The following TLE2 variants were observed in gnomAD, a reference collection of about 807,000 sequenced individuals.
TLE2 encodes transducin-like enhancer protein 2.
In TLE2, 74 loss-of-function variants were observed where a neutral mutation model predicts 97.2. That is an observed-to-expected ratio of 0.76 (90% confidence interval 0.63 to 0.92). The LOEUF (loss-of-function observed/expected upper bound fraction) is 0.92. Among genes scored for constraint, TLE2 ranks in the 40% least tolerant of loss-of-function variants. The probability of loss-of-function intolerance (pLI) is 0.00; values close to 1 mark genes in which losing one functional copy is unlikely to be tolerated. For synonymous variants in TLE2, 499 were observed against 432.1 expected (o/e 1.15, Z -1.92); for missense variants, 1,038 against 1,008.7 (o/e 1.03, Z -0.39).
At chr19:3,043,437 A>G (rs2090119379) in intron 1 of TLE2, among the ~76,000 whole-genome samples, 1 of 129,924 alleles carries the variant, frequency 7.7e-6, no homozygotes, top group African/African-American at 3.0e-5. Flanking sequence ...TCAGCCTCCC[A>G]AAGTGCTGGG....
intron 5 of TLE2, among the ~76,000 whole-genome samples, chr19:3,021,167 G>A (rs537770035): frequency 1.3e-5 from 2 of 150,380 alleles, no homozygotes; most frequent in African/African-American, 4.9e-5. Flanking sequence ...AGCACTTTGG[G>A]AGGCTGAGGC....
upstream of TLE2, among the ~76,000 whole-genome samples, chr19:3,046,959 C>T (rs2090147244): frequency 1.1e-5 from 1 of 90,674 alleles, no homozygotes; most frequent in South Asian, 4.1e-4. Flanking sequence ...CCTTCCCTCC[C>T]TCCTTCTCCC....
rs14089 is a variant in TLE2, at chr19:2,997,792, T to G, written c.*56A>C. 1.5e-6 allele frequency: 2 copies of G among 1,331,778 alleles called. No individual in the cohort carries two copies. Among genetic ancestry groups the G allele is most frequent in the Admixed American group, 1.9e-5 (1 of 51,322 alleles). The allele number at this position is 1,331,778 out of a possible 1,614,324, so 82.5% of individuals were successfully genotyped here. A position where few individuals can be genotyped will look rare whatever the true frequency, so the allele number is the denominator to read the frequency against. On this transcript the variant is annotated 3_prime_UTR_variant, in exon 20 of 20. Transcript: ENST00000262953. ...GAGGCGGCTGCTAGGATGTCTGTCC[T>G]GGCTGCTGATTCCCCTGGGAGTCTG...
At chr19:3,024,732 C>G (rs1417524534) in intron 5 of TLE2, among the ~76,000 whole-genome samples, 1 of 152,212 alleles carries the variant, frequency 6.6e-6, no homozygotes, top group Non-Finnish European at 1.5e-5. Flanking sequence ...ACCCAGGCAG[C>G]CAACTTGCAG....
At chr19:3,017,641 C>T (rs544172284) in intron 8 of TLE2, among the ~76,000 whole-genome samples, 199 bp downstream of exon 8, 5 of 151,694 alleles carry the variant, frequency 3.3e-5, no homozygotes, top group Admixed American at 1.3e-4. Context: ...TCTGTAGAGA[C>T]GGGGTTTTGC....
At chr19:2,999,523 C>T (rs541749154) in intron 19 of TLE2, among the ~76,000 whole-genome samples, 31 of 151,026 alleles carry the variant, frequency 2.1e-4, no homozygotes, top group Non-Finnish European at 3.5e-4. Context: ...GTCAGGAGAT[C>T]AAGACCATCC....
chr19:3,029,558 CG>C (rs756651385), upstream of TLE2: 17,987 of 217,968 alleles, frequency 0.083, 73 homozygotes, highest in Non-Finnish European at 0.1. Flanking sequence ...ACCGTGGGAG[CG>C]GGGGGGGGGG....
upstream of TLE2, among the ~76,000 whole-genome samples, chr19:3,031,707 C>T (rs1433077647): frequency 6.6e-6 from 1 of 152,276 alleles, no homozygotes; most frequent in East Asian, 1.9e-4. Context: ...TCACACCAGG[C>T]ACAGTCCAGC....
intron 15 of TLE2, 147 bp from the exon 16 acceptor site, chr19:3,006,115 C>G (rs1639454392): frequency 1.9e-6 from 2 of 1,046,528 alleles, no homozygotes; most frequent in Non-Finnish European, 1.5e-6. Flanking sequence ...GTGAGCCCCG[C>G]CCCTTTGACC....
intron 14 of TLE2, among the ~76,000 whole-genome samples, chr19:3,007,685 G>A (rs1296344833): frequency 6.6e-6 from 1 of 152,186 alleles, no homozygotes; most frequent in Non-Finnish European, 1.5e-5. Flanking sequence ...TCGTTCAACC[G>A]AGGACCCACA....
chr19:2,999,407 T>C (rs2089299909), intron 19 of TLE2, among the ~76,000 whole-genome samples: 1 of 152,046 alleles, frequency 6.6e-6, no homozygotes, highest in Admixed American at 6.6e-5. Context: ...ATTTTAAAAT[T>C]TCAATCACTG....
intron 1 of TLE2, among the ~76,000 whole-genome samples, chr19:3,040,033 A>G (rs1266576350): frequency 1.3e-5 from 2 of 152,208 alleles, no homozygotes; most frequent in African/African-American, 4.8e-5. Context: ...CAGCGGGGAC[A>G]ATTTGGGGTG....
intron 5 of TLE2, among the ~76,000 whole-genome samples, chr19:3,023,949 G>T (rs1405128675): frequency 6.6e-6 from 1 of 150,690 alleles, no homozygotes; most frequent in South Asian, 2.1e-4. Context: ...ACTGTGCAAA[G>T]GTACTGAGGA....
At position 3,016,782 on chromosome 19, in the gene TLE2, A is replaced by AT. The variant is rs1207798722; in HGVS notation, c.571-1023dup. Among the ~76,000 whole-genome samples the AT allele has an allele frequency of 7.3e-5, 11 of 150,554 alleles. No individual in the cohort carries two copies. The South Asian group carries it at 1.7e-3, about 23-fold the overall frequency. On this transcript the variant is annotated intron_variant, in intron 8 of 19. Transcript: ENST00000262953. ...TACCCGAAAAAAGCTGGAGGTTGAA[A>AT]TTTTTTTTTCTTTTGAGATGGAGTC...
upstream of TLE2, among the ~76,000 whole-genome samples, chr19:3,047,346 C>T (rs1003296218): frequency 2.8e-5 from 4 of 142,058 alleles, no homozygotes; most frequent in Admixed American, 2.8e-4. Flanking sequence ...CCCGAGCACG[C>T]CCCCCCAGGA....
intron 19 of TLE2, among the ~76,000 whole-genome samples, chr19:2,998,704 C>T (rs567772668): frequency 6.6e-6 from 1 of 152,306 alleles, no homozygotes; most frequent in South Asian, 2.1e-4. Context: ...TGAGCCACCG[C>T]GCCCGGCAGA....
upstream of TLE2, among the ~76,000 whole-genome samples, chr19:3,034,126 C>T (rs1046854496): frequency 6.6e-6 from 1 of 151,970 alleles, no homozygotes; most frequent in African/African-American, 2.4e-5. Context: ...TCAGGGTTCC[C>T]ACACACATCC....
At chr19:3,010,970 TC>T in intron 12 of TLE2, 51 bp downstream of exon 12, 1 of 1,557,364 alleles carries the variant, frequency 6.4e-7, no homozygotes, top group Non-Finnish European at 8.7e-7. Context: ...TTCCTAGATC[TC>T]CCCAGAGACG....
rs1187351559 is a variant in TLE2, at chr19:3,009,577, C to G, written c.1138G>C (p.Val380Leu). ...CGTCCGTACACCACAGAGCTGCTGA[C>G]CTGGGGGGACAGGTGGAGGCTGACG... The part of the protein sequence containing the change: ...SYVSLHLSPQ[V>L]SSSVVYGRSP... The change falls in exon 13 of 20, where the codon GTC (valine) becomes CTC (leucine). Residue 380 changes from valine (V) to leucine (L), a missense_variant. Coordinates refer to ENST00000262953, the MANE Select transcript of TLE2 (RefSeq NM_003260.5). 3 of 1,613,360 alleles carry G rather than the reference C, an allele frequency of 1.9e-6. No individual in the cohort carries two copies. Among genetic ancestry groups the G allele is most frequent in the Non-Finnish European group, 1.7e-6 (2 of 1,179,666 alleles).
Sources: allele counts gnomAD v4.1 joint callset (sites outside exome capture counted in the v4.1 genomes callset), GRCh38; gene constraint gnomAD v4.1.1; transcripts MANE v1.5; gene names NCBI Gene and HGNC (gene_info 2026-07-23, HGNC 2026-07-21).